PIKFYVE: variants seen among roughly 807,000 people sequenced by gnomAD.
PIKFYVE encodes phosphoinositide kinase, FYVE-type zinc finger containing.
In PIKFYVE, 122 loss-of-function variants were observed where a neutral mutation model predicts 257.9. The ratio of observed to expected loss-of-function variants is 0.47; its 90% CI spans 0.41 to 0.55. The LOEUF (loss-of-function observed/expected upper bound fraction) is 0.55. PIKFYVE is among the 20% of genes least tolerant of loss of function. The probability of loss-of-function intolerance (pLI) is 0.00; values close to 1 mark genes in which losing one functional copy is unlikely to be tolerated. For missense variants in PIKFYVE, 2,160 were observed against 2,536.6 expected (o/e 0.85, Z 3.19); for synonymous variants, 892 against 868.9 (o/e 1.03, Z -0.47).
At chr2:208,308,645 T>C (rs952990876) in intron 12 of PIKFYVE, among the ~76,000 whole-genome samples, 5 of 151,496 alleles carry the variant, frequency 3.3e-5, no homozygotes, top group African/African-American at 1.2e-4. Context: ...GCTTTTAATA[T>C]GAAAAACACA....
At chr2:208,324,478 G>A (rs1179905699) in intron 18 of PIKFYVE, among the ~76,000 whole-genome samples, 196 bp downstream of exon 18, 1 of 152,188 alleles carries the variant, frequency 6.6e-6, no homozygotes, top group Non-Finnish European at 1.5e-5. Flanking sequence ...AATTGATTAT[G>A]TAATACTTAT....
chr2:208,327,690 C>T (rs1304138501), intron 20 of PIKFYVE, among the ~76,000 whole-genome samples: 1 of 152,098 alleles, frequency 6.6e-6, no homozygotes, highest in Non-Finnish European at 1.5e-5. Flanking sequence ...TCAGGAGGAG[C>T]AGTTTTGTGT....
At position 208,336,205 on chromosome 2, in the gene PIKFYVE, G is replaced by A; in HGVS notation, c.4520+5G>A. ...GCTGCAAGCTTGGAATAACAGGTGT[G>A]ATTTTGCAGTCTGGTTTTCTTTAAT... On this transcript the variant is annotated splice_donor_5th_base_variant and intron_variant, in intron 27 of 41. Coordinates refer to ENST00000264380, the MANE Select transcript of PIKFYVE (RefSeq NM_015040.4). 3 of 1,613,954 alleles carry A rather than the reference G, an allele frequency of 1.9e-6. No homozygotes were observed. Among genetic ancestry groups the A allele is most frequent in the Non-Finnish European group, 2.5e-6 (3 of 1,179,914 alleles).
chr2:208,352,500 C>T (rs1699865212), intron 38 of PIKFYVE, among the ~76,000 whole-genome samples, 154 bp from the exon 39 acceptor site: 1 of 152,114 alleles, frequency 6.6e-6, no homozygotes, highest in Admixed American at 6.5e-5. Context: ...GCTGTACTCA[C>T]TTCTGAGATT....
chr2:208,335,990 T>C, intron 26 of PIKFYVE, 56 bp from the exon 27 acceptor site: 2 of 1,606,100 alleles, frequency 1.2e-6, no homozygotes, highest in Non-Finnish European at 1.7e-6. Flanking sequence ...TAGCAGTTTC[T>C]TTTGGGGTAT....
intron 27 of PIKFYVE, among the ~76,000 whole-genome samples, chr2:208,336,551 A>G (rs1698159301): frequency 6.6e-6 from 1 of 151,956 alleles, no homozygotes; most frequent in African/African-American, 2.4e-5. Context: ...TATATTGTAT[A>G]TTGATATGTT....
chr2:208,279,318 G>A (rs972463616), intron 5 of PIKFYVE, among the ~76,000 whole-genome samples: 1 of 152,144 alleles, frequency 6.6e-6, no homozygotes, highest in African/African-American at 2.4e-5. Flanking sequence ...CAGATGCATA[G>A]TTTGCAAGTA....
rs1242109840 is a variant in PIKFYVE at position 208,317,927 on chromosome 2, A to G, written c.2068A>G (p.Ile690Val). The change falls in exon 16 of 42, where the codon ATT becomes GTT. Residue 690 changes from isoleucine (I) to valine (V), a missense_variant. By Grantham distance (29) the Ile-to-Val change is conservative (BLOSUM62 3). Coordinates refer to ENST00000264380, the MANE Select transcript of PIKFYVE (RefSeq NM_015040.4). ...CAATGGCTTTGTTTGTACCAAGAAC[A>G]TTGCACATAAAAAGGTAATGTGATT... ...VVNGFVCTKNIAHKKMSSCIK... is the reference protein window; with the variant it reads ...VVNGFVCTKNVAHKKMSSCIK... 2 of 1,613,804 alleles carry G rather than the reference A, an allele frequency of 1.2e-6. No individual in the cohort carries two copies. Among genetic ancestry groups the G allele is most frequent in the South Asian group, 1.1e-5 (1 of 91,076 alleles).
intron 2 of PIKFYVE, 86 bp downstream of exon 2, chr2:208,271,777 T>C (rs1447738396): frequency 7.0e-6 from 9 of 1,291,030 alleles, no homozygotes; most frequent in African/African-American, 1.5e-5. Flanking sequence ...CATGATCATA[T>C]AGTGGTTAGT....
intron 39 of PIKFYVE, among the ~76,000 whole-genome samples, chr2:208,353,124 C>G (rs1699920572): frequency 1.3e-5 from 2 of 152,276 alleles, no homozygotes; most frequent in Middle Eastern, 3.4e-3. Context: ...TTCCTAGACT[C>G]AGGTTAGTCT....
chr2:208,325,092 T>G (rs939465666), intron 19 of PIKFYVE, 55 bp downstream of exon 19: 16 of 1,608,176 alleles, frequency 9.9e-6, no homozygotes, highest in African/African-American at 1.3e-5. Context: ...TTATCACTAC[T>G]ACAATGTTTA....
At chr2:208,346,698 A>G (rs1218608091) in intron 34 of PIKFYVE, among the ~76,000 whole-genome samples, 1 of 152,242 alleles carries the variant, frequency 6.6e-6, no homozygotes, top group Non-Finnish European at 1.5e-5. Flanking sequence ...AAGTAACACA[A>G]AATTCAACTG....
chr2:208,338,676 G>C (rs986476683), intron 29 of PIKFYVE, 108 bp downstream of exon 29: 4 of 1,071,422 alleles, frequency 3.7e-6, no homozygotes, highest in Non-Finnish European at 5.7e-6. Context: ...GTTGTTCATA[G>C]ACTTCTTTTC....
At chr2:208,327,999 G>C (rs967703729) in intron 20 of PIKFYVE, among the ~76,000 whole-genome samples, 181 bp from the exon 21 acceptor site, 6 of 152,026 alleles carry the variant, frequency 3.9e-5, no homozygotes, top group Admixed American at 2.0e-4. Context: ...AACTTTTTGG[G>C]TTGTCTTTTC....
At position 208,333,483 on chromosome 2, in the gene PIKFYVE, G is replaced by T. The variant is rs777216213; in HGVS notation, c.4132G>T (p.Ala1378Ser). Reference sequence around the variant, plus strand: ...GTATTTCTCCTATAACCAGATGGTGGCGTCTTTCAGGTAAGAAATCCTAGG... The same window carrying T: ...GTATTTCTCCTATAACCAGATGGTGTCGTCTTTCAGGTAAGAAATCCTAGG... ...HQYFSYNQMV[A>S]SFSYSPIRLL... The change falls in exon 24 of 42, where the codon GCG (alanine) becomes TCG (serine). Residue 1378 changes from alanine to serine, a missense_variant. Physicochemically the swap from Ala to Ser is moderately conservative, Grantham distance 99. Coordinates refer to ENST00000264380, the MANE Select transcript of PIKFYVE (RefSeq NM_015040.4). 1 of 1,613,468 alleles carries T rather than the reference G, an allele frequency of 6.2e-7. No homozygotes were observed. The highest frequency in any genetic ancestry group is 1.3e-5 in the African/African-American group (1 of 74,864).
At chr2:208,319,088 C>G (rs1476219611) in intron 16 of PIKFYVE, among the ~76,000 whole-genome samples, 1 of 152,032 alleles carries the variant, frequency 6.6e-6, no homozygotes, top group Non-Finnish European at 1.5e-5. Context: ...CGGAAACATT[C>G]AAAACAGAGA....
At chr2:208,321,067 C>G (rs1696151510) in intron 17 of PIKFYVE, among the ~76,000 whole-genome samples, 1 of 152,136 alleles carries the variant, frequency 6.6e-6, no homozygotes, top group South Asian at 2.1e-4. Context: ...AGCTCTCTGC[C>G]TGGGCTCTCC....
intron 1 of PIKFYVE, chr2:208,269,435 C>G (rs1011529369): frequency 1.6e-5 from 4 of 243,588 alleles, no homozygotes; most frequent in Admixed American, 8.1e-5. Flanking sequence ...GCCATCTTCC[C>G]TCCCAGGGTG....
intron 25 of PIKFYVE, 89 bp downstream of exon 25, chr2:208,335,508 G>A (rs1349384798): frequency 1.7e-6 from 2 of 1,155,276 alleles, no homozygotes; most frequent in Admixed American, 1.9e-5. Context: ...CTTTGAAAAT[G>A]TAAATTTTCT....
Sources: gnomAD v4.1 joint callset for allele counts (sites outside exome capture counted in the v4.1 genomes callset) on GRCh38, gnomAD v4.1.1 for gene constraint, MANE v1.5 for transcripts, NCBI Gene and HGNC (gene_info 2026-07-23, HGNC 2026-07-21) for gene names.